The following FGD4 variants were observed in gnomAD, a reference collection of about 807,000 sequenced individuals.
The protein encoded by FGD4 is FYVE, RhoGEF and PH domain-containing protein 4.
Under a neutral mutation model 102.0 loss-of-function variants are expected in FGD4, and 42 were observed. That is an observed-to-expected ratio of 0.41 (90% CI 0.32 to 0.53). The LOEUF is 0.53. Among genes scored for constraint, FGD4 ranks in the 20% least tolerant of loss-of-function variants. The probability of loss-of-function intolerance (pLI) is 0.21; values close to 1 mark genes in which losing one functional copy is unlikely to be tolerated. For missense variants in FGD4, 902 were observed against 1,078.2 expected, an observed-to-expected ratio of 0.84 and a Z score of 2.29; for synonymous variants, 380 against 375.7, an observed-to-expected ratio of 1.01 and a Z score of -0.13.
In FGD4 at chr12:32,486,831, A is replaced by G. The variant is rs970218603; in HGVS notation, c.167-77306A>G. Among the ~76,000 whole-genome samples the G allele has an allele frequency of 2.6e-5, 4 of 152,300 alleles. No individual in the cohort carries two copies. In the South Asian group the frequency reaches 8.3e-4, roughly 32 times the overall value. On this transcript the variant is annotated intron_variant, in intron 1 of 16. Coordinates refer to ENST00000534526, the MANE Select transcript of FGD4 (RefSeq NM_001370298.3). ...ATTTTAGGTTGATGTTTTTGTTCAGAGAAACATTTTAAATTTTAAACCAAT... is the reference window on the plus strand; with the variant it reads ...ATTTTAGGTTGATGTTTTTGTTCAGGGAAACATTTTAAATTTTAAACCAAT...
chr12:32,638,696 C>T lies in FGD4; in HGVS notation c.2355C>T (p.Ser785=). The part of the protein sequence containing the change: ...AEVSGNSVVC[S]FLQYMEKSKP... The stretch of plus-strand genomic sequence containing the variant: ...TATCTGGAAACAGTGTGGTGTGCAG[C>T]TTTCTTCAGTATATGGAGAAGTCAA... Residue 785 remains serine (S), a synonymous_variant, in exon 16 of 17, where the codon AGC becomes AGT. Transcript: ENST00000534526. 6 of 1,614,182 alleles carry T rather than the reference C, an allele frequency of 3.7e-6. No individual in the cohort carries two copies. The highest frequency in any genetic ancestry group is 5.1e-6 in the Non-Finnish European group (6 of 1,180,030).
intron 1 of FGD4, among the ~76,000 whole-genome samples, chr12:32,404,338 G>A (rs571073894): frequency 1.1e-4 from 17 of 151,696 alleles, no homozygotes; most frequent in African/African-American, 4.1e-4. Flanking sequence ...AACTTCTAGA[G>A]TACTAATTTC....
intron 2 of FGD4, among the ~76,000 whole-genome samples, chr12:32,573,321 T>G (rs1945838801): frequency 6.6e-6 from 1 of 152,070 alleles, no homozygotes; most frequent in Non-Finnish European, 1.5e-5. Flanking sequence ...GGTCTCGATC[T>G]CCTGACCTCA....
At chr12:32,510,968 G>C (rs1480375449) in intron 1 of FGD4, among the ~76,000 whole-genome samples, 2 of 152,200 alleles carry the variant, frequency 1.3e-5, no homozygotes, top group African/African-American at 4.8e-5. Context: ...AAATTATATA[G>C]AAGTCATCAG....
At chr12:32,530,941 G>GTTTTTTTTTTTTTTTTTTTTTTTTTTTT (rs768536136) in intron 1 of FGD4, among the ~76,000 whole-genome samples, 1 of 70,466 alleles carries the variant, frequency 1.4e-5, no homozygotes, top group African/African-American at 6.9e-5. Flanking sequence ...CCTAGCTTTG[G>GTTTTTTTTTTTTTTTTTTTTTTTTTTTT]TTTTTTTTTT....
chr12:32,520,770 G>A (rs1940460131), intron 1 of FGD4, among the ~76,000 whole-genome samples: 1 of 152,078 alleles, frequency 6.6e-6, no homozygotes, highest in African/African-American at 2.4e-5. Flanking sequence ...TCTTAATACA[G>A]GAATGCTTGT....
At chr12:32,636,011 C>CTAATAG in intron 15 of FGD4, among the ~76,000 whole-genome samples, 1 of 146,816 alleles carries the variant, frequency 6.8e-6, no homozygotes, top group South Asian at 2.2e-4. Context: ...GACTCTGTCT[C>CTAATAG]TAATAATAAT....
In FGD4 at chr12:32,415,077, G is replaced by A. The variant is rs766594320; in HGVS notation, c.166+15118G>A. Among the ~76,000 whole-genome samples, 38 of 152,106 alleles carry A rather than the reference G, an allele frequency of 2.5e-4. 1 individual carries two copies. Among genetic ancestry groups the A allele is most frequent in the South Asian group, 8.3e-4 (4 of 4,816 alleles). On this transcript the variant is annotated intron_variant, in intron 1 of 16. Coordinates refer to ENST00000534526, the MANE Select transcript of FGD4 (RefSeq NM_001370298.3). ...GGAGCATATTATTTAACTTCCATGC[G>A]TTTGTATATGTTCCAAAATTCCTCT...
chr12:32,576,480 G>A, intron 3 of FGD4, 31 bp downstream of exon 3: 1 of 1,612,784 alleles, frequency 6.2e-7, no homozygotes, highest in Non-Finnish European at 8.5e-7. Context: ...GGAGAAGGCA[G>A]GAGAAGAAGA....
intron 10 of FGD4, among the ~76,000 whole-genome samples, chr12:32,613,673 G>A (rs1949284197): frequency 6.6e-6 from 1 of 152,124 alleles, no homozygotes; most frequent in Non-Finnish European, 1.5e-5. Context: ...CCTAGCTACT[G>A]AGGCAGGAGG....
At chr12:32,622,844 C>T (rs1293163767) in intron 11 of FGD4, among the ~76,000 whole-genome samples, 2 of 152,100 alleles carry the variant, frequency 1.3e-5, no homozygotes, top group Admixed American at 6.5e-5. Context: ...CCACCCACCT[C>T]GGCCTCCCAA....
chr12:32,561,510 T>G (rs997520820), intron 1 of FGD4, among the ~76,000 whole-genome samples: 5 of 152,216 alleles, frequency 3.3e-5, no homozygotes, highest in African/African-American at 1.2e-4. Context: ...TAATTAAGGC[T>G]TAAAAAAATC....
At chr12:32,437,330 G>C (rs547692823) in intron 1 of FGD4, among the ~76,000 whole-genome samples, 1 of 152,184 alleles carries the variant, frequency 6.6e-6, no homozygotes, top group Non-Finnish European at 1.5e-5. Flanking sequence ...TGAAGGTCTT[G>C]AAGAAGCTGG....
Position 32,469,310 on chromosome 12 carries a change from G to C in FGD4, c.166+69351G>C, listed in dbSNP as rs1386193472. ...TATTTATTTATTGAGACAGAGTCTT[G>C]CTCTGTCGCCCAGGCTGGAGTGCAG... On this transcript the variant is annotated intron_variant, in intron 1 of 16. Coordinates refer to ENST00000534526, the MANE Select transcript of FGD4 (RefSeq NM_001370298.3). 4.6e-5 allele frequency among the ~76,000 whole-genome samples: 7 copies of C among 151,624 alleles called. 1 individual carries two copies. The South Asian group carries it at 1.0e-3, about 23-fold the overall frequency.
Position 32,582,485 on chromosome 12 carries a change from C to T in FGD4, c.1011+18C>T. On this transcript the variant is annotated intron_variant, in intron 4 of 16. Coordinates refer to ENST00000534526, the MANE Select transcript of FGD4 (RefSeq NM_001370298.3). ...AGATGAAGGTAGAGCATGAGACTAGCTCATGAGCAGGGAAAACCCTGCCTA... is the reference window on the plus strand; with the variant it reads ...AGATGAAGGTAGAGCATGAGACTAGTTCATGAGCAGGGAAAACCCTGCCTA... 1.2e-6 allele frequency: 2 copies of T among 1,606,220 alleles called. No individual in the cohort carries two copies. Among genetic ancestry groups the T allele is most frequent in the Non-Finnish European group, 1.7e-6 (2 of 1,179,974 alleles).
At chr12:32,465,266 T>TTA (rs60178189) in intron 1 of FGD4, among the ~76,000 whole-genome samples, 20,531 of 151,112 alleles carry the variant, frequency 0.14, 2,773 homozygotes, top group African/African-American at 0.34. Flanking sequence ...TTTGTATGTT[T>TTA]TATATATATA....
At chr12:32,420,685 C>T (rs1363576783) in intron 1 of FGD4, among the ~76,000 whole-genome samples, 1 of 152,122 alleles carries the variant, frequency 6.6e-6, no homozygotes. Flanking sequence ...AAAAATTCCT[C>T]CTGCTTTCAC....
chr12:32,606,122 TA>T (rs747387692), intron 7 of FGD4, among the ~76,000 whole-genome samples: 1 of 152,236 alleles, frequency 6.6e-6, no homozygotes, highest in Non-Finnish European at 1.5e-5. Flanking sequence ...TTGGGATCAG[TA>T]ATACTTTCCT....
chr12:32,447,512 C>T (rs926685382), intron 1 of FGD4, among the ~76,000 whole-genome samples: 4 of 152,172 alleles, frequency 2.6e-5, no homozygotes, highest in Admixed American at 2.0e-4. Flanking sequence ...ATTAGATTCC[C>T]GACTTAAGGT....
Sources: gnomAD v4.1 joint callset for allele counts (sites outside exome capture counted in the v4.1 genomes callset) on GRCh38, gnomAD v4.1.1 for gene constraint, MANE v1.5 for transcripts, NCBI Gene and HGNC (gene_info 2026-07-23, HGNC 2026-07-21) for gene names.